Variants in TRMT9B observed in about 807,000 individuals in gnomAD.
The protein encoded by TRMT9B is probable tRNA methyltransferase 9B.
TRMT9B carries 16 observed loss-of-function variants against 11.5 expected under a neutral mutation model. The ratio of observed to expected loss-of-function variants is 1.39; its 90% confidence interval spans 0.94 to 2.11. The LOEUF is 2.11. Ranked by LOEUF, TRMT9B falls within the 30% of genes most tolerant of loss-of-function variation. The probability of loss-of-function intolerance (pLI) is 0.00; values close to 1 mark genes in which losing one functional copy is unlikely to be tolerated. For synonymous variants in TRMT9B, 274 were observed against 192.4 expected, an observed-to-expected ratio of 1.42 and a Z score of -3.51; for missense variants, 941 against 553.8, an observed-to-expected ratio of 1.70 and a Z score of -7.02.
chr8:12,955,170 A>G (rs1801134436), intron 1 of TRMT9B, among the ~76,000 whole-genome samples: 1 of 152,192 alleles, frequency 6.6e-6, no homozygotes, highest in Non-Finnish European at 1.5e-5. Flanking sequence ...TACTGCTAGT[A>G]TACTCCTATA....
At chr8:13,012,613 G>A in intron 3 of TRMT9B, 71 bp from the exon 4 acceptor site, 1 of 1,485,804 alleles carries the variant, frequency 6.7e-7, no homozygotes, top group Non-Finnish European at 9.1e-7. Flanking sequence ...TATATTTCTT[G>A]TTATGAGACA....
chr8:13,016,106 G>T (rs1585393590), intron 4 of TRMT9B, among the ~76,000 whole-genome samples: 2 of 141,400 alleles, frequency 1.4e-5, no homozygotes, highest in Non-Finnish European at 1.5e-5. Context: ...ATATATATAT[G>T]ATATATATAT....
intron 2 of TRMT9B, among the ~76,000 whole-genome samples, chr8:12,991,415 G>T (rs1249132386): frequency 6.6e-6 from 1 of 152,130 alleles, no homozygotes; most frequent in Non-Finnish European, 1.5e-5. Flanking sequence ...TTGTAATTAG[G>T]TCTTTTTTAT....
chr8:13,008,913 A>G (rs1468697474), intron 3 of TRMT9B, among the ~76,000 whole-genome samples: 1 of 152,106 alleles, frequency 6.6e-6, no homozygotes, highest in East Asian at 1.9e-4. Flanking sequence ...TATTTTTAGT[A>G]GAGACGGAGT....
chr8:13,000,088 T>A (rs572666627), intron 2 of TRMT9B, among the ~76,000 whole-genome samples: 1 of 152,192 alleles, frequency 6.6e-6, no homozygotes, highest in African/African-American at 2.4e-5. Flanking sequence ...ACCCATGATA[T>A]CTCTCCATCA....
At chr8:12,951,648 C>A (rs1239567090) in intron 1 of TRMT9B, 1 of 152,032 alleles carries the variant, frequency 6.6e-6, no homozygotes, top group East Asian at 1.9e-4. Context: ...CGCCGCAGGC[C>A]TGGGTTCCCG....
intron 1 of TRMT9B, among the ~76,000 whole-genome samples, chr8:12,966,195 T>C (rs919958080): frequency 6.6e-6 from 1 of 151,856 alleles, no homozygotes; most frequent in Admixed American, 6.6e-5. Flanking sequence ...TAGCCTGGCA[T>C]GGTGACCCAT....
intron 1 of TRMT9B, among the ~76,000 whole-genome samples, chr8:12,971,246 A>T (rs1176562169): frequency 2.0e-5 from 3 of 151,046 alleles, no homozygotes; most frequent in Non-Finnish European, 3.0e-5. Flanking sequence ...CCTTTTTTCA[A>T]TTTTTTTCTT....
At position 13,024,679 on chromosome 8, in the gene TRMT9B, A is replaced by G. The variant is rs1271718244; in HGVS notation, c.*2635A>G. ...ATGTGCACACACCACTTTGTATGAA[A>G]GGGTTCTCTAGAACGGTTCTTTGGA... On this transcript the variant is annotated 3_prime_UTR_variant, in exon 5 of 5. Transcript: ENST00000524591. 2 of 167,070 alleles carry G rather than the reference A, an allele frequency of 1.2e-5. No homozygotes were observed. Among genetic ancestry groups the G allele is most frequent in the Admixed American group, 1.3e-4 (2 of 15,284 alleles). The allele number at this position is 167,070 out of a possible 1,614,324, so 10.3% of individuals were successfully genotyped here. A position where few individuals can be genotyped will look rare whatever the true frequency, so the allele number is the denominator to read the frequency against.
chr8:12,986,637 G>A (rs1236116437), intron 1 of TRMT9B, among the ~76,000 whole-genome samples: 2 of 152,062 alleles, frequency 1.3e-5, no homozygotes, highest in Admixed American at 1.3e-4. Context: ...GTTTATATAT[G>A]GCCATTACTA....
chr8:13,007,800 T>C (rs942602010), intron 3 of TRMT9B: 3 of 152,168 alleles, frequency 2.0e-5, no homozygotes, highest in Non-Finnish European at 4.4e-5. Context: ...AGAGTTACTT[T>C]CTCACACCTT....
At chr8:13,011,653 A>T (rs1811636009) in intron 3 of TRMT9B, 2 of 979,064 alleles carry the variant, frequency 2.0e-6, no homozygotes, top group African/African-American at 1.8e-5. Flanking sequence ...TCATAACATC[A>T]GTAAGACCTC....
chr8:13,019,293 T>A (rs1813371164), intron 4 of TRMT9B, among the ~76,000 whole-genome samples: 1 of 152,132 alleles, frequency 6.6e-6, no homozygotes, highest in Non-Finnish European at 1.5e-5. Context: ...AGTGTGTATA[T>A]ATAGATACAT....
rs369623491 is a variant in TRMT9B at position 13,003,668 on chromosome 8, A to G, written c.-1-2534A>G. 1.2e-4 allele frequency among the ~76,000 whole-genome samples: 18 copies of G among 151,778 alleles called. No homozygotes were observed. In the East Asian group the frequency reaches 2.5e-3, roughly 21 times the overall value. ...TGCCCGCCTAAGCCAGCTGAACCCA[A>G]TGGGACAAGCTATAAAATGCCTCTG... is the stretch of plus-strand genomic sequence containing the variant. On this transcript the variant is annotated intron_variant, in intron 2 of 4. Transcript: ENST00000524591.
chr8:12,990,026 T>A (rs539622808), intron 1 of TRMT9B, among the ~76,000 whole-genome samples: 9 of 152,214 alleles, frequency 5.9e-5, no homozygotes, highest in Admixed American at 2.6e-4. Flanking sequence ...TAGGGGAATG[T>A]TGGGGGAAGG....
intron 4 of TRMT9B, 56 bp from the exon 5 acceptor site, chr8:13,020,952 C>A: frequency 1.7e-6 from 2 of 1,188,498 alleles, no homozygotes; most frequent in East Asian, 2.6e-5. Context: ...CCAGTGTATA[C>A]GTGTGTGGGT....
At chr8:12,967,029 G>A (rs916278844) in intron 1 of TRMT9B, among the ~76,000 whole-genome samples, 2 of 152,154 alleles carry the variant, frequency 1.3e-5, no homozygotes, top group African/African-American at 2.4e-5. Context: ...ATACTCCCAA[G>A]GTGTGGGAAG....
In TRMT9B at chr8:13,006,278, G is replaced by C; in HGVS notation, c.76G>C (p.Asp26His). ...CGAGAGCACAGCCCCTTACTTCAGC[G>C]ACCTGCAGAGCAAAGCCTGGCCTCG... ...VYESTAPYFS[D>H]LQSKAWPRVR... The change falls in exon 3 of 5, where the codon GAC becomes CAC. Residue 26 changes from aspartate to histidine, a missense_variant. Asp to His is a moderately conservative substitution (Grantham distance 81). Transcript: ENST00000524591. 6.2e-7 allele frequency: 1 copy of C among 1,613,918 alleles called. No individual in the cohort carries two copies. The highest frequency in any genetic ancestry group is 1.3e-5 in the African/African-American group (1 of 75,048).
chr8:12,982,687 T>C (rs1263458269), intron 1 of TRMT9B, among the ~76,000 whole-genome samples: 1 of 150,922 alleles, frequency 6.6e-6, no homozygotes, highest in African/African-American at 2.4e-5. Context: ...ATAATCAGAG[T>C]TTATTTAGTT....
Sources: gnomAD v4.1 joint callset for allele counts (sites outside exome capture counted in the v4.1 genomes callset) on GRCh38, gnomAD v4.1.1 for gene constraint, MANE v1.5 for transcripts, NCBI Gene and HGNC (gene_info 2026-07-23, HGNC 2026-07-21) for gene names.